Variants in UBR1 observed in about 807,000 individuals in gnomAD.
UBR1 encodes the protein E3 ubiquitin-protein ligase UBR1.
A neutral mutation model predicts 242.1 loss-of-function variants in UBR1; 102 were observed. That is an observed-to-expected ratio of 0.42 (90% CI 0.36 to 0.50). UBR1 has a LOEUF of 0.50. Ranked by LOEUF, UBR1 falls within the 20% of genes least tolerant of loss-of-function variation. The pLI, the probability that UBR1 is intolerant of heterozygous loss-of-function variation, is 0.01. For missense variants in UBR1, 1,772 were observed against 2,101.8 expected, an observed-to-expected ratio of 0.84 and a Z score of 3.07; for synonymous variants, 675 against 684.8, an observed-to-expected ratio of 0.99 and a Z score of 0.22.
intron 10 of UBR1, among the ~76,000 whole-genome samples, chr15:43,057,096 C>T (rs899305400): frequency 3.9e-5 from 6 of 152,018 alleles, no homozygotes; most frequent in Non-Finnish European, 7.4e-5. Context: ...TAAGGGGTAA[C>T]CATGGTGTAC....
At chr15:42,980,189 T>G (rs1158283602) in intron 37 of UBR1, among the ~76,000 whole-genome samples, 1 of 152,228 alleles carries the variant, frequency 6.6e-6, no homozygotes, top group Non-Finnish European at 1.5e-5. Context: ...CTTTGTGTCA[T>G]CAAATTTTTC....
intron 29 of UBR1, among the ~76,000 whole-genome samples, chr15:43,011,333 C>T (rs2032920645): frequency 6.6e-6 from 1 of 152,158 alleles, no homozygotes; most frequent in Non-Finnish European, 1.5e-5. Flanking sequence ...TTCTCTATGG[C>T]TAAACCCCAT....
At chr15:43,015,033 C>G (rs1015461046) in intron 29 of UBR1, among the ~76,000 whole-genome samples, 10 of 151,516 alleles carry the variant, frequency 6.6e-5, no homozygotes, top group African/African-American at 2.4e-4. Context: ...GGGGTCAGCC[C>G]CCGCCCGGCC....
intron 39 of UBR1, among the ~76,000 whole-genome samples, chr15:42,971,997 T>A (rs2032214875): frequency 6.6e-6 from 1 of 152,174 alleles, no homozygotes; most frequent in Non-Finnish European, 1.5e-5. Flanking sequence ...CTTGTTATAA[T>A]CAATGAGCCT....
chr15:43,019,980 C>G (rs1040431923), intron 27 of UBR1, among the ~76,000 whole-genome samples: 2 of 151,938 alleles, frequency 1.3e-5, no homozygotes, highest in African/African-American at 4.8e-5. Context: ...ATTTAATTCA[C>G]TCGTCTCCAA....
intron 27 of UBR1, among the ~76,000 whole-genome samples, chr15:43,020,667 C>T (rs1020099397): frequency 6.6e-6 from 1 of 152,194 alleles, no homozygotes; most frequent in Non-Finnish European, 1.5e-5. Context: ...TAAGGACCTA[C>T]AAGATCCGGC....
chr15:42,946,748 A>C (rs1031223502), intron 46 of UBR1, among the ~76,000 whole-genome samples: 1 of 152,200 alleles, frequency 6.6e-6, no homozygotes, highest in African/African-American at 2.4e-5. Context: ...TTCATAAGTC[A>C]TCAGTAGGAC....
At chr15:43,016,914 G>A (rs527269958) in intron 28 of UBR1, among the ~76,000 whole-genome samples, 181 bp downstream of exon 28, 1 of 152,286 alleles carries the variant, frequency 6.6e-6, no homozygotes, top group East Asian at 1.9e-4. Context: ...ATTATACTGA[G>A]TTGTCACGTA....
chr15:43,029,275 A>C (rs1161837460), intron 21 of UBR1, among the ~76,000 whole-genome samples: 1 of 152,222 alleles, frequency 6.6e-6, no homozygotes, highest in African/African-American at 2.4e-5. Flanking sequence ...CTATTACCAC[A>C]GTATCTGTAT....
At chr15:43,009,126 C>T (rs2032878437) in intron 29 of UBR1, among the ~76,000 whole-genome samples, 2 of 152,192 alleles carry the variant, frequency 1.3e-5, no homozygotes, top group Admixed American at 1.3e-4. Context: ...TTGCAGGTGA[C>T]AAGAAGGAGA....
Position 42,950,273 on chromosome 15 carries a change from G to T in UBR1, c.5097C>A (p.Asp1699Glu). 6.2e-7 allele frequency: 1 copy of T among 1,614,110 alleles called. No individual in the cohort carries two copies. The highest frequency in any genetic ancestry group is 8.5e-7 in the Non-Finnish European group (1 of 1,179,988). ...APYLDEYGETDPGLKRGNPLH... is the reference protein window; with the variant it reads ...APYLDEYGETEPGLKRGNPLH... ...AAAAAAAATCTTACTTCAGGCCAGG[G>T]TCTGTTTCTCCATATTCATCCAAGT... The change falls in exon 46 of 47, where the codon GAC becomes GAA. Residue 1699 changes from aspartate to glutamate, a missense_variant. Transcript: ENST00000290650.
At chr15:42,974,925 T>A (rs563481711) in intron 39 of UBR1, among the ~76,000 whole-genome samples, 1 of 152,268 alleles carries the variant, frequency 6.6e-6, no homozygotes, top group South Asian at 2.1e-4. Context: ...ATAACCTGCA[T>A]GGATTTTTAT....
At chr15:43,044,423 A>G (rs954002994) in intron 14 of UBR1, among the ~76,000 whole-genome samples, 2 of 152,220 alleles carry the variant, frequency 1.3e-5, no homozygotes, top group African/African-American at 4.8e-5. Context: ...ATTATAAAAT[A>G]TATTTGAGAT....
At chr15:42,961,406 T>G (rs1039804557) in intron 42 of UBR1, among the ~76,000 whole-genome samples, 1 of 150,108 alleles carries the variant, frequency 6.7e-6, no homozygotes, top group African/African-American at 2.5e-5. Context: ...TGAGCCACTG[T>G]GCTGGCCTAT....
Position 42,976,865 on chromosome 15 carries a change from C to A in UBR1, c.4221G>T (p.Val1407=). 1.2e-6 allele frequency: 2 copies of A among 1,613,386 alleles called. No individual in the cohort carries two copies. The highest frequency in any genetic ancestry group is 1.7e-6 in the Non-Finnish European group (2 of 1,179,660). ...LLSIDLFHVL[V]GAVLAFPSLY... The stretch of plus-strand genomic sequence containing the variant: ...AGGATGGGAATGCTAACACAGCACC[C>A]ACCTATGAGAGAAAAATGGACATCA... The change falls in exon 39 of 47, where the codon GTG becomes GTT. Residue 1407 remains valine, a splice_region_variant and synonymous_variant. Coordinates refer to ENST00000290650, the MANE Select transcript of UBR1 (RefSeq NM_174916.3).
intron 1 of UBR1, chr15:43,091,906 C>CAAA (rs58586323): frequency 0.013 from 2,395 of 179,718 alleles, 5 homozygotes; most frequent in South Asian, 0.017. Context: ...TACACCATCT[C>CAAA]AAAAAAAAAA....
At position 42,963,923 on chromosome 15, in the gene UBR1, T is replaced by A. The variant is rs2054389; in HGVS notation, c.4700+12A>T. On this transcript the variant is annotated intron_variant, in intron 42 of 46. Coordinates refer to ENST00000290650, the MANE Select transcript of UBR1 (RefSeq NM_174916.3). ...ATAATAACCCAACAACAATATTTTA[T>A]CCCCATAGTACCTCTGGAGCAAGGG... 6.4e-7 allele frequency: 1 copy of A among 1,567,964 alleles called. No homozygotes were observed. Among genetic ancestry groups the A allele is most frequent in the Non-Finnish European group, 8.8e-7 (1 of 1,138,510 alleles).
Position 42,993,932 on chromosome 15 carries a change from A to G in UBR1, c.3758-3812T>C, listed in dbSNP as rs565481274. 1.3e-4 allele frequency among the ~76,000 whole-genome samples: 20 copies of G among 152,116 alleles called. No homozygotes were observed. In the South Asian group the frequency reaches 3.9e-3, roughly 30 times the overall value. On this transcript the variant is annotated intron_variant, in intron 33 of 46. Transcript: ENST00000290650. ...TCAAGGCACTGTTAGAATAAACCCA[A>G]TCTGAGCATTGTCTCTTTTGGGCTA... is the stretch of plus-strand genomic sequence containing the variant.
At position 43,021,399 on chromosome 15, in the gene UBR1, C is replaced by T. The variant is rs1459284012; in HGVS notation, c.2840-24G>A. 3.1e-6 allele frequency: 5 copies of T among 1,604,562 alleles called. No homozygotes were observed. In the South Asian group the frequency reaches 5.5e-5, roughly 18 times the overall value. On this transcript the variant is annotated intron_variant, in intron 26 of 46. Transcript: ENST00000290650. Reference sequence around the variant, plus strand: ...TCCTTTTTTAAAACACAAAATCACACATCATAAATACATAAAGTCATCTCT... The same window carrying T: ...TCCTTTTTTAAAACACAAAATCACATATCATAAATACATAAAGTCATCTCT...
Sources: allele counts gnomAD v4.1 joint callset (sites outside exome capture counted in the v4.1 genomes callset), GRCh38; gene constraint gnomAD v4.1.1; transcripts MANE v1.5; gene names NCBI Gene and HGNC (gene_info 2026-07-23, HGNC 2026-07-21).